INPP4B: variants seen among roughly 807,000 people sequenced by gnomAD.
INPP4B encodes inositol polyphosphate-4-phosphatase type II B, also known as inositol polyphosphate 4-phosphatase type II.
Under a neutral mutation model 122.5 loss-of-function variants are expected in INPP4B, and 55 were observed. That is an observed-to-expected ratio of 0.45 (90% confidence interval 0.36 to 0.56). The LOEUF (loss-of-function observed/expected upper bound fraction) is 0.56. Ranked by LOEUF, INPP4B falls within the 20% of genes least tolerant of loss-of-function variation. INPP4B has a pLI of 0.00. For missense variants in INPP4B, 1,000 were observed against 1,097.7 expected (o/e 0.91, Z 1.26); for synonymous variants, 403 against 388.7 (o/e 1.04, Z -0.43).
chr4:142,506,493 G>A (rs1413307201), intron 2 of INPP4B, among the ~76,000 whole-genome samples: 1 of 152,184 alleles, frequency 6.6e-6, no homozygotes, highest in East Asian at 1.9e-4. Flanking sequence ...GCAGCAGCCT[G>A]TTATAGAAAA....
rs78003335 is a variant in INPP4B at position 142,448,697 on chromosome 4, T to C, written c.-127+13966A>G. 6.3e-3 allele frequency among the ~76,000 whole-genome samples: 954 copies of C among 152,298 alleles called. 13 individuals are homozygous for C. Among genetic ancestry groups the C allele is most frequent in the African/African-American group, 0.022 (901 of 41,560 alleles). Reference sequence around the variant, plus strand: ...TCTCACTGGGAACAAGGAAAACTACTTTGAAGGCTACCATCATTGTAGGAC... The same window carrying C: ...TCTCACTGGGAACAAGGAAAACTACCTTGAAGGCTACCATCATTGTAGGAC... On this transcript the variant is annotated intron_variant, in intron 3 of 25. Coordinates refer to ENST00000262992, the MANE Select transcript of INPP4B (RefSeq NM_001101669.3).
intron 2 of INPP4B, among the ~76,000 whole-genome samples, chr4:142,486,120 A>G (rs1026450439): frequency 1.2e-4 from 19 of 152,178 alleles, no homozygotes; most frequent in African/African-American, 4.6e-4. Context: ...GTGTGACTAT[A>G]TAGAAAGCCT....
intron 7 of INPP4B, among the ~76,000 whole-genome samples, chr4:142,369,886 G>T (rs971281010): frequency 1.3e-5 from 2 of 148,968 alleles, no homozygotes; most frequent in African/African-American, 4.9e-5. Flanking sequence ...AGCCAACACG[G>T]TGCCACTGCA....
At chr4:142,664,830 C>T (rs951876815) in intron 2 of INPP4B, among the ~76,000 whole-genome samples, 3 of 152,136 alleles carry the variant, frequency 2.0e-5, no homozygotes, top group Non-Finnish European at 4.4e-5. Context: ...TCATGCCTTG[C>T]TTAACAGCAG....
At chr4:142,329,696 C>T (rs1402505391) in intron 7 of INPP4B, among the ~76,000 whole-genome samples, 1 of 151,974 alleles carries the variant, frequency 6.6e-6, no homozygotes, top group Non-Finnish European at 1.5e-5. Flanking sequence ...GAGTTGTTTC[C>T]AAATATTTAT....
intron 2 of INPP4B, among the ~76,000 whole-genome samples, chr4:142,682,093 T>A (rs904771852): frequency 1.3e-5 from 2 of 151,972 alleles, no homozygotes; most frequent in African/African-American, 4.8e-5. Context: ...GTAGGAAAAT[T>A]ATTTCATCTG....
chr4:142,405,250 C>A lies in INPP4B; in HGVS notation c.211G>T (p.Val71Leu), dbSNP rs571714237. Residue 71 changes from valine to leucine, a missense_variant, in exon 6 of 26, where the codon GTG becomes TTG. Coordinates refer to ENST00000262992, the MANE Select transcript of INPP4B (RefSeq NM_001101669.3). ...GAGTATCTTGTCAGACTCTGCTCCA[C>A]GGGGTGGATTACGGAGATCTGCACC... is the stretch of plus-strand genomic sequence containing the variant. ...TLVQISVIHP[V>L]EQSLTRYSST... is the part of the protein sequence containing the mutation. 1 of 1,613,008 alleles carries A rather than the reference C, an allele frequency of 6.2e-7. No individual in the cohort carries two copies. Among genetic ancestry groups the A allele is most frequent in the South Asian group, 1.1e-5 (1 of 91,008 alleles).
intron 2 of INPP4B, among the ~76,000 whole-genome samples, chr4:142,711,016 A>T (rs1305829427): frequency 4.6e-5 from 7 of 152,202 alleles, no homozygotes; most frequent in Admixed American, 4.6e-4. Context: ...ATACACTAAA[A>T]TTGAACTTTA....
At chr4:142,428,123 C>T (rs1259331342) in intron 5 of INPP4B, among the ~76,000 whole-genome samples, 1 of 150,996 alleles carries the variant, frequency 6.6e-6, no homozygotes, top group East Asian at 1.9e-4. Context: ...CAATTATGGT[C>T]TCAATAAGTC....
intron 25 of INPP4B, among the ~76,000 whole-genome samples, chr4:142,038,284 G>A (rs1745211942): frequency 6.6e-6 from 1 of 152,080 alleles, no homozygotes; most frequent in Non-Finnish European, 1.5e-5. Flanking sequence ...AGCCTATGTG[G>A]TCATAGGATC....
intron 10 of INPP4B, among the ~76,000 whole-genome samples, chr4:142,268,348 G>GAAAAAAAAAAAAAAAAAAAAAAAAAAAA (rs1383781390): frequency 1.5e-4 from 4 of 26,800 alleles, no homozygotes; most frequent in African/African-American, 2.5e-4. Context: ...AAAAAAAAAT[G>GAAAAAAAAAAAAAAAAAAAAAAAAAAAA]AGGGGTAAGT....
Position 142,221,151 on chromosome 4 carries a change from G to A in INPP4B, c.837-12125C>T, listed in dbSNP as rs531796390. ...ACGGTGGTTCACGCCTGTAATCCCAGCACTTTGGGAGGCCGAGGCGAGTGG... is the reference window on the plus strand; with the variant it reads ...ACGGTGGTTCACGCCTGTAATCCCAACACTTTGGGAGGCCGAGGCGAGTGG... On this transcript the variant is annotated intron_variant, in intron 12 of 25. Transcript: ENST00000262992. Among the ~76,000 whole-genome samples the A allele has an allele frequency of 5.3e-5, 8 of 152,186 alleles. No homozygotes were observed. The East Asian group carries it at 1.6e-3, about 30-fold the overall frequency.
intron 3 of INPP4B, among the ~76,000 whole-genome samples, chr4:142,448,105 G>A (rs911496908): frequency 6.6e-6 from 1 of 151,998 alleles, no homozygotes; most frequent in Non-Finnish European, 1.5e-5. Context: ...TGCAGTGTAG[G>A]TGGTATCTCA....
intron 7 of INPP4B, among the ~76,000 whole-genome samples, chr4:142,366,834 A>G (rs1787672810): frequency 6.6e-6 from 1 of 152,186 alleles, no homozygotes; most frequent in Admixed American, 6.6e-5. Context: ...GCTAAAAGCA[A>G]GTCCTATTTG....
At chr4:142,711,215 T>C (rs1433753547) in intron 2 of INPP4B, among the ~76,000 whole-genome samples, 2 of 152,194 alleles carry the variant, frequency 1.3e-5, no homozygotes, top group African/African-American at 4.8e-5. Flanking sequence ...CAGTCTTTGC[T>C]CAAATAGAAT....
chr4:142,362,522 A>G (rs1343659359), intron 7 of INPP4B, among the ~76,000 whole-genome samples: 2 of 152,066 alleles, frequency 1.3e-5, no homozygotes, highest in Non-Finnish European at 1.5e-5. Context: ...ATCAATAAAG[A>G]TAAAAAGTAT....
chr4:142,061,885 CATAT>C (rs66485353), intron 25 of INPP4B, among the ~76,000 whole-genome samples: 10 of 139,244 alleles, frequency 7.2e-5, no homozygotes, highest in African/African-American at 1.8e-4. Context: ...CACACACACA[CATAT>C]ATATATATAT....
chr4:142,421,965 T>C (rs1806994179), intron 5 of INPP4B, among the ~76,000 whole-genome samples: 1 of 152,110 alleles, frequency 6.6e-6, no homozygotes, highest in African/African-American at 2.4e-5. Flanking sequence ...TATTGCCTGA[T>C]GGTTAAAAGC....
At chr4:142,704,729 C>T (rs182749694) in intron 2 of INPP4B, among the ~76,000 whole-genome samples, 1 of 152,308 alleles carries the variant, frequency 6.6e-6, no homozygotes, top group Admixed American at 6.5e-5. Context: ...CGTAAACATG[C>T]TGATGATTCC....
Sources: gnomAD v4.1 joint callset for allele counts (sites outside exome capture counted in the v4.1 genomes callset) on GRCh38, gnomAD v4.1.1 for gene constraint, MANE v1.5 for transcripts, NCBI Gene and HGNC (gene_info 2026-07-23, HGNC 2026-07-21) for gene names.